The following CD109 variants were observed in gnomAD, a reference collection of about 807,000 sequenced individuals.
The protein encoded by CD109 is CD109 molecule.
CD109 carries 149 observed loss-of-function variants against 165.8 expected under a neutral mutation model. That is an observed-to-expected ratio of 0.90 (90% CI 0.79 to 1.03). The LOEUF (loss-of-function observed/expected upper bound fraction) is 1.03, where lower values mean the gene tolerates loss of function less well. Ranked by LOEUF, CD109 falls within the 50% of genes least tolerant of loss-of-function variation. The pLI, the probability that CD109 is intolerant of heterozygous loss-of-function variation, is 0.00. For missense variants in CD109, 1,712 were observed against 1,677.8 expected (o/e 1.02, Z -0.36); for synonymous variants, 585 against 592.1 (o/e 0.99, Z 0.18).
intron 2 of CD109, among the ~76,000 whole-genome samples, chr6:73,717,182 CTG>C (rs531558591): frequency 3.7e-4 from 55 of 149,630 alleles, no homozygotes; most frequent in Non-Finnish European, 6.2e-4. Flanking sequence ...TACTATAGCT[CTG>C]TAGCATAATT....
intron 5 of CD109, among the ~76,000 whole-genome samples, chr6:73,745,486 G>T (rs1393503283): frequency 6.6e-6 from 1 of 152,140 alleles, no homozygotes; most frequent in Non-Finnish European, 1.5e-5. Flanking sequence ...TGGTGGAGAA[G>T]ATACCTACTT....
Position 73,766,062 on chromosome 6 carries a change from G to T in CD109, c.1240G>T (p.Ala414Ser), listed in dbSNP as rs1305859146. Residue 414 changes from alanine (A) to serine (S), a missense_variant, in exon 11 of 33, where the codon GCT (alanine) becomes TCT (serine). Coordinates refer to ENST00000287097, the MANE Select transcript of CD109 (RefSeq NM_133493.5). ...GSNSGNQKME[A>S]VQKINYTVPQ... ...TAACAGTGGAAATCAGAAAATGGAA[G>T]CTGTTCAGAAAATAAATTATACTGT... is the stretch of plus-strand genomic sequence containing the variant. 5.0e-6 allele frequency: 8 copies of T among 1,613,898 alleles called. No individual in the cohort carries two copies. The highest frequency in any genetic ancestry group is 2.2e-5 in the East Asian group (1 of 44,872).
At chr6:73,750,852 A>G (rs1773160228) in intron 5 of CD109, among the ~76,000 whole-genome samples, 1 of 152,164 alleles carries the variant, frequency 6.6e-6, no homozygotes, top group Non-Finnish European at 1.5e-5. Flanking sequence ...GTTCTTTGGG[A>G]CGAATTCTTC....
intron 5 of CD109, among the ~76,000 whole-genome samples, chr6:73,738,965 CT>C (rs1406285470): frequency 1.3e-5 from 2 of 152,188 alleles, no homozygotes; most frequent in African/African-American, 4.8e-5. Flanking sequence ...ATTCATCTCA[CT>C]TTTAATTAGT....
chr6:73,763,508 A>T, intron 9 of CD109, 68 bp from the exon 10 acceptor site: 1 of 857,584 alleles, frequency 1.2e-6, no homozygotes, highest in Non-Finnish European at 1.9e-6. Flanking sequence ...AGATGGAGAG[A>T]TTTGGTGGAT....
chr6:73,785,844 TTG>T (rs1307746734), intron 20 of CD109, among the ~76,000 whole-genome samples: 90 of 135,352 alleles, frequency 6.6e-4, no homozygotes, highest in Non-Finnish European at 1.2e-3. Flanking sequence ...CACTGCAGTT[TTG>T]TTTTTTTTTT....
intron 32 of CD109, 25 bp downstream of exon 32, chr6:73,820,588 T>C (rs1255691895): frequency 5.3e-6 from 7 of 1,319,306 alleles, no homozygotes; most frequent in African/African-American, 1.5e-5. Flanking sequence ...GAGTTCTTAA[T>C]ACTTTAGAAA....
chr6:73,769,154 T>G (rs947135135), intron 14 of CD109, among the ~76,000 whole-genome samples: 61 of 152,152 alleles, frequency 4.0e-4, no homozygotes, highest in African/African-American at 1.4e-3. Context: ...CCTCTCAAGG[T>G]GCCGGGATTA....
intron 29 of CD109, among the ~76,000 whole-genome samples, chr6:73,813,547 G>C (rs2150304026): frequency 6.6e-6 from 1 of 152,022 alleles, no homozygotes; most frequent in African/African-American, 2.4e-5. Flanking sequence ...TCATGAGGGA[G>C]GAAAAAAATT....
intron 24 of CD109, 30 bp from the exon 25 acceptor site, chr6:73,806,814 T>G (rs1160501943): frequency 7.1e-6 from 11 of 1,542,042 alleles, no homozygotes; most frequent in Non-Finnish European, 9.8e-6. Context: ...TAAAGTGTAT[T>G]TTATGTAATT....
In CD109 at chr6:73,779,347, CA is replaced by C. The variant is rs1174731229; in HGVS notation, c.1828-1074del. Among the ~76,000 whole-genome samples, 3 of 151,168 alleles carry C rather than the reference CA, an allele frequency of 2.0e-5. No individual in the cohort carries two copies. In the East Asian group the frequency reaches 5.8e-4, roughly 29 times the overall value. ...CACTGCAACCTCCGCCTCCCGGGTT[CA>C]AACCATTCTCCTTCCTCAGCCTCCC... On this transcript the variant is annotated intron_variant, in intron 15 of 32. Transcript: ENST00000287097.
rs537284953 is a variant in CD109 at position 73,749,205 on chromosome 6, G to A, written c.634-7438G>A. ...AAGCTTCGTGTAACAAATGCAAAGA[G>A]CATTAGATTAGGAGTCCTAAGACCT... On this transcript the variant is annotated intron_variant, in intron 5 of 32. Transcript: ENST00000287097. 3.3e-5 allele frequency among the ~76,000 whole-genome samples: 5 copies of A among 152,312 alleles called. No homozygotes were observed. The East Asian group carries it at 5.8e-4, about 18-fold the overall frequency.
chr6:73,705,732 A>G (rs191420611), intron 2 of CD109, among the ~76,000 whole-genome samples: 5 of 152,360 alleles, frequency 3.3e-5, no homozygotes, highest in African/African-American at 1.2e-4. Flanking sequence ...AGTTCCAAGA[A>G]GGAAGGTTTA....
intron 7 of CD109, among the ~76,000 whole-genome samples, chr6:73,761,874 G>C (rs533225517): frequency 6.6e-6 from 1 of 152,156 alleles, no homozygotes; most frequent in Admixed American, 6.5e-5. Context: ...AAAAATTATA[G>C]TAGGAGTATG....
the CD109 span, among the ~76,000 whole-genome samples, chr6:73,689,340 A>G: frequency 3.2e-4 from 49 of 152,298 alleles, no homozygotes; most frequent in Middle Eastern, 3.4e-3. Flanking sequence ...TCTTATGGGA[A>G]GGAACCCTCA....
intron 29 of CD109, 130 bp downstream of exon 29, chr6:73,812,400 A>C (rs1582201392): frequency 1.7e-6 from 1 of 597,840 alleles, no homozygotes; most frequent in East Asian, 2.9e-5. Context: ...CTTAAGCAAG[A>C]TATATCACTG....
intron 5 of CD109, among the ~76,000 whole-genome samples, chr6:73,756,298 C>T (rs1005628187): frequency 6.6e-6 from 1 of 152,126 alleles, no homozygotes; most frequent in Non-Finnish European, 1.5e-5. Flanking sequence ...GTTATCTTTG[C>T]TTCATAAATT....
At chr6:73,752,627 G>A (rs527328763) in intron 5 of CD109, among the ~76,000 whole-genome samples, 1 of 152,296 alleles carries the variant, frequency 6.6e-6, no homozygotes, top group Non-Finnish European at 1.5e-5. Context: ...AGTTTCTACT[G>A]GATGTGCTTT....
chr6:73,730,230 T>A, intron 3 of CD109, 114 bp from the exon 4 acceptor site: 1 of 686,116 alleles, frequency 1.5e-6, no homozygotes, highest in Non-Finnish European at 2.5e-6. Flanking sequence ...ATTTTCAACA[T>A]CGCAGTTACT....
Sources: gnomAD v4.1 joint callset for allele counts (sites outside exome capture counted in the v4.1 genomes callset) on GRCh38, gnomAD v4.1.1 for gene constraint, MANE v1.5 for transcripts, NCBI Gene and HGNC (gene_info 2026-07-23, HGNC 2026-07-21) for gene names.